The following FMN1 variants were observed in gnomAD, a reference collection of about 807,000 sequenced individuals.
The protein encoded by FMN1 is formin-1.
FMN1 carries 110 observed loss-of-function variants against 132.4 expected under a neutral mutation model. The ratio of observed to expected loss-of-function variants is 0.83; its 90% CI spans 0.71 to 0.97. The LOEUF is 0.97. FMN1 is among the 50% of genes least tolerant of loss of function. The pLI is 0.00. For missense variants in FMN1, 1,792 were observed against 1,705.3 expected, an observed-to-expected ratio of 1.05 and a Z score of -0.90; for synonymous variants, 722 against 651.7, an observed-to-expected ratio of 1.11 and a Z score of -1.64.
chr15:33,055,343 C>A (rs1336557055), intron 6 of FMN1, among the ~76,000 whole-genome samples: 2 of 152,152 alleles, frequency 1.3e-5, no homozygotes, highest in African/African-American at 4.8e-5. Flanking sequence ...CCAGATTGAA[C>A]CAATGAAAAC....
rs1443570721 is a variant in FMN1 at position 32,879,664 on chromosome 15, C to T, written c.3835+8508G>A. 2.0e-5 allele frequency among the ~76,000 whole-genome samples: 3 copies of T among 151,206 alleles called. No individual in the cohort carries two copies. The East Asian group carries it at 5.8e-4, about 29-fold the overall frequency. ...GCAGAATCCAGAAGTATGATCGGCTCCATTTTTTTTTTCAGTTGAGAGTCA... is the reference window on the plus strand; with the variant it reads ...GCAGAATCCAGAAGTATGATCGGCTTCATTTTTTTTTTCAGTTGAGAGTCA... On this transcript the variant is annotated intron_variant, in intron 16 of 20. Transcript: ENST00000616417.
intron 8 of FMN1, among the ~76,000 whole-genome samples, chr15:32,965,310 G>C (rs1468557165): frequency 2.0e-5 from 3 of 152,086 alleles, no homozygotes; most frequent in Non-Finnish European, 2.9e-5. Flanking sequence ...TGAGGCAGGA[G>C]AATTGCTTGA....
At chr15:32,841,841 T>C (rs1217648325) in intron 17 of FMN1, among the ~76,000 whole-genome samples, 1 of 152,216 alleles carries the variant, frequency 6.6e-6, no homozygotes, top group East Asian at 1.9e-4. Context: ...TTAAAGATTA[T>C]ACAATCCATT....
At chr15:32,862,868 T>C (rs1484721759) in intron 16 of FMN1, among the ~76,000 whole-genome samples, 6 of 152,136 alleles carry the variant, frequency 3.9e-5, no homozygotes, top group African/African-American at 1.4e-4. Context: ...CAGAGTTCTC[T>C]CTTCTTCCCT....
chr15:33,110,122 T>A (rs1284604929), intron 4 of FMN1, among the ~76,000 whole-genome samples: 1 of 152,104 alleles, frequency 6.6e-6, no homozygotes, highest in Non-Finnish European at 1.5e-5. Context: ...TTTGACAATA[T>A]AACGCTTCTC....
intron 19 of FMN1, among the ~76,000 whole-genome samples, chr15:32,791,409 A>G (rs2057072974): frequency 1.3e-5 from 2 of 151,354 alleles, no homozygotes; most frequent in Non-Finnish European, 2.9e-5. Flanking sequence ...AACTTAATAC[A>G]TTAATAAATT....
intron 5 of FMN1, among the ~76,000 whole-genome samples, chr15:33,081,190 C>A (rs1456781159): frequency 6.6e-6 from 1 of 152,210 alleles, no homozygotes; most frequent in Non-Finnish European, 1.5e-5. Flanking sequence ...TTCTCCACGG[C>A]TAGCTTTGGT....
intron 17 of FMN1, among the ~76,000 whole-genome samples, chr15:32,824,251 C>G (rs144772454): frequency 6.6e-6 from 1 of 152,298 alleles, no homozygotes; most frequent in East Asian, 1.9e-4. Context: ...ACCATGAAAG[C>G]CAAGTCTGCC....
At chr15:32,942,582 T>C (rs2061423650) in intron 9 of FMN1, among the ~76,000 whole-genome samples, 1 of 152,230 alleles carries the variant, frequency 6.6e-6, no homozygotes, top group Non-Finnish European at 1.5e-5. Context: ...TCTTCTTCCA[T>C]GGAGCCTTCC....
At position 32,969,070 on chromosome 15, in the gene FMN1, G is replaced by A. The variant is rs773747307; in HGVS notation, c.2631C>T (p.Pro877=). ...ALPPPPASIP[P]PPPLPSGLGS... ...CAAGTCCTGAGGGGAGGGGCGGAGGGGGAGGGATGGATGCGGGAGGCGGAG... is the reference window on the plus strand; with the variant it reads ...CAAGTCCTGAGGGGAGGGGCGGAGGAGGAGGGATGGATGCGGGAGGCGGAG... The change falls in exon 8 of 21, where the codon CCC becomes CCT. Residue 877 remains proline, a synonymous_variant. Transcript: ENST00000616417. The A allele has an allele frequency of 1.3e-6, 2 of 1,585,130 alleles. No homozygotes were observed. The highest frequency in any genetic ancestry group is 1.7e-5 in the Admixed American group (1 of 57,398).
intron 19 of FMN1, among the ~76,000 whole-genome samples, chr15:32,796,774 T>C (rs531109009): frequency 2.6e-5 from 4 of 152,320 alleles, no homozygotes; most frequent in South Asian, 4.1e-4. Context: ...GTTTAAATGG[T>C]TGAGGAGTAA....
At chr15:33,165,472 G>A (rs530477562) in intron 3 of FMN1, among the ~76,000 whole-genome samples, 1 of 152,212 alleles carries the variant, frequency 6.6e-6, no homozygotes, top group South Asian at 2.1e-4. Context: ...CTCACTGCAA[G>A]CTCCGCCTCC....
chr15:32,996,738 A>G (rs1274192123), intron 7 of FMN1, among the ~76,000 whole-genome samples: 1 of 151,384 alleles, frequency 6.6e-6, no homozygotes, highest in Non-Finnish European at 1.5e-5. Context: ...GTATACACAC[A>G]AACACACAAT....
Position 32,877,289 on chromosome 15 carries a change from G to GA in FMN1, c.3835+10882dup, listed in dbSNP as rs146024325. ...GTGGCAGAACAATATTCTGTCTCAGGAAAAAAAAAAAAAAGGATAGATGGT... is the reference window on the plus strand; with the variant it reads ...GTGGCAGAACAATATTCTGTCTCAGGAAAAAAAAAAAAAAAGGATAGATGGT... On this transcript the variant is annotated intron_variant, in intron 16 of 20. Coordinates refer to ENST00000616417, the MANE Select transcript of FMN1 (RefSeq NM_001277313.2). Among the ~76,000 whole-genome samples, 791 of 136,174 alleles carry GA rather than the reference G, an allele frequency of 5.8e-3. 9 individuals are homozygous for GA. The highest frequency in any genetic ancestry group is 0.014 in the African/African-American group (534 of 37,510). 89.3% of individuals were successfully genotyped at this position (136,174 alleles called of 152,430 possible).
At chr15:33,132,372 C>T (rs148958532) in intron 4 of FMN1, among the ~76,000 whole-genome samples, 2,105 of 152,270 alleles carry the variant, frequency 0.014, 32 homozygotes, top group Non-Finnish European at 0.022. Context: ...AAAGAATCAG[C>T]TAGTCTTTCT....
At chr15:32,851,442 G>A (rs753244237) in intron 17 of FMN1, among the ~76,000 whole-genome samples, 11 of 152,172 alleles carry the variant, frequency 7.2e-5, no homozygotes, top group Non-Finnish European at 1.5e-4. Flanking sequence ...CAGTTTTGAA[G>A]GCCATATCAT....
intron 4 of FMN1, among the ~76,000 whole-genome samples, chr15:33,096,865 G>C (rs2039104387): frequency 6.6e-6 from 1 of 152,164 alleles, no homozygotes; most frequent in African/African-American, 2.4e-5. Flanking sequence ...GCTTTCCAAA[G>C]TGCTGGGATT....
intron 4 of FMN1, among the ~76,000 whole-genome samples, chr15:33,134,288 CAATT>C (rs1375021932): frequency 6.6e-6 from 1 of 152,080 alleles, no homozygotes; most frequent in Non-Finnish European, 1.5e-5. Context: ...AATAACATAA[CAATT>C]AAATAAAGAG....
At chr15:32,997,318 C>T (rs1238437080) in intron 7 of FMN1, among the ~76,000 whole-genome samples, 1 of 146,022 alleles carries the variant, frequency 6.8e-6, no homozygotes, top group Non-Finnish European at 1.5e-5. Flanking sequence ...GAAATATCAC[C>T]GTCTTTTTTT....
Sources: gnomAD v4.1 joint callset for allele counts (sites outside exome capture counted in the v4.1 genomes callset) on GRCh38, gnomAD v4.1.1 for gene constraint, MANE v1.5 for transcripts, NCBI Gene and HGNC (gene_info 2026-07-23, HGNC 2026-07-21) for gene names.